CPED1: variants seen among roughly 807,000 people sequenced by gnomAD.
CPED1 encodes cadherin-like and PC-esterase domain-containing protein 1.
In CPED1, 114 loss-of-function variants were observed where a neutral mutation model predicts 128.2. That is an observed-to-expected ratio of 0.89 (90% CI 0.76 to 1.04). CPED1 has a LOEUF of 1.04. Ranked by LOEUF, CPED1 falls within the 50% of genes least tolerant of loss-of-function variation. The pLI, the probability that CPED1 is intolerant of heterozygous loss-of-function variation, is 0.00. For synonymous variants in CPED1, 462 were observed against 426.7 expected (o/e 1.08, Z -1.02); for missense variants, 1,211 against 1,207.1 (o/e 1.00, Z -0.05).
intron 16 of CPED1, among the ~76,000 whole-genome samples, chr7:121,203,063 A>G (rs13238393): frequency 0.095 from 14,510 of 152,098 alleles, 856 homozygotes; most frequent in South Asian, 0.17. Context: ...AATAAATATG[A>G]CACACCTGTC....
intron 16 of CPED1, among the ~76,000 whole-genome samples, chr7:121,196,386 C>A (rs890122707): frequency 2.0e-5 from 3 of 151,934 alleles, no homozygotes; most frequent in Middle Eastern, 3.2e-3. Flanking sequence ...AACTGTCAGG[C>A]AAATGCTTAA....
rs185366413 is a variant in CPED1, at chr7:121,295,258, G to T, written c.2869-182G>T. On this transcript the variant is annotated intron_variant, in intron 22 of 22. Coordinates refer to ENST00000310396, the MANE Select transcript of CPED1 (RefSeq NM_024913.5). ...ATGAGGTAAGAAAAGTGACAAAGTT[G>T]AATTTTAACCTTGGTCTTTTTCGAA... Among the ~76,000 whole-genome samples, 312 of 152,144 alleles carry T rather than the reference G, an allele frequency of 2.1e-3. 1 individual carries two copies. The highest frequency in any genetic ancestry group is 7.3e-3 in the African/African-American group (304 of 41,494).
intron 16 of CPED1, among the ~76,000 whole-genome samples, chr7:121,184,951 A>C (rs1182715607): frequency 6.6e-6 from 1 of 152,156 alleles, no homozygotes; most frequent in African/African-American, 2.4e-5. Context: ...TGGTTAAATG[A>C]AGAGTGAAGC....
At chr7:121,067,184 TAC>T (rs1793851715) in intron 5 of CPED1, among the ~76,000 whole-genome samples, 2 of 152,216 alleles carry the variant, frequency 1.3e-5, no homozygotes, top group East Asian at 3.9e-4. Flanking sequence ...TACATATGTA[TAC>T]ATGTGCCATG....
intron 4 of CPED1, among the ~76,000 whole-genome samples, chr7:121,053,716 C>T (rs570896756): frequency 1.3e-5 from 2 of 152,274 alleles, no homozygotes; most frequent in African/African-American, 2.4e-5. Flanking sequence ...TTCTATTTCT[C>T]TTATTACTTT....
intron 18 of CPED1, among the ~76,000 whole-genome samples, chr7:121,260,629 C>T (rs1412628579): frequency 7.3e-6 from 1 of 136,642 alleles, no homozygotes; most frequent in African/African-American, 2.8e-5. Context: ...TAAGACTCCT[C>T]CTTACCTCAC....
chr7:121,278,017 T>C (rs1369785908), intron 22 of CPED1, among the ~76,000 whole-genome samples: 1 of 152,090 alleles, frequency 6.6e-6, no homozygotes, highest in Non-Finnish European at 1.5e-5. Context: ...AATAATGTTT[T>C]TGGCATGAAG....
At chr7:121,154,910 T>G (rs2116413659) in intron 16 of CPED1, among the ~76,000 whole-genome samples, 1 of 152,390 alleles carries the variant, frequency 6.6e-6, no homozygotes, top group African/African-American at 2.4e-5. Context: ...TTCTTGATTC[T>G]GTTAATGTGT....
chr7:121,127,135 G>C lies in CPED1; in HGVS notation c.1180G>C (p.Glu394Gln), dbSNP rs1263909106. Reference protein sequence around the residue: ...NFQDYDNMDFEDQNTEEFLLN... With the variant: ...NFQDYDNMDFQDQNTEEFLLN... ...TCAAGATTATGATAATATGGATTTTGAGGACCAAAATACAGAAGAATTCCT... is the reference window on the plus strand; with the variant it reads ...TCAAGATTATGATAATATGGATTTTCAGGACCAAAATACAGAAGAATTCCT... Residue 394 changes from glutamate to glutamine, a missense_variant, in exon 10 of 23, where the codon GAG (glutamate) becomes CAG (glutamine). Physicochemically the swap from Glu to Gln is conservative, Grantham distance 29. Coordinates refer to ENST00000310396, the MANE Select transcript of CPED1 (RefSeq NM_024913.5). 1.9e-6 allele frequency: 3 copies of C among 1,602,898 alleles called. No individual in the cohort carries two copies. Among genetic ancestry groups the C allele is most frequent in the African/African-American group, 2.7e-5 (2 of 74,568 alleles).
intron 14 of CPED1, among the ~76,000 whole-genome samples, chr7:121,140,600 G>A (rs1233710764): frequency 6.6e-6 from 1 of 151,802 alleles, no homozygotes; most frequent in East Asian, 1.9e-4. Context: ...ATATAACGCC[G>A]ACTAAAGTCA....
At chr7:121,147,864 A>T (rs1210033439) in intron 16 of CPED1, among the ~76,000 whole-genome samples, 1 of 152,160 alleles carries the variant, frequency 6.6e-6, no homozygotes, top group Non-Finnish European at 1.5e-5. Flanking sequence ...ACTTATTTTT[A>T]AAAAATCAAT....
intron 16 of CPED1, among the ~76,000 whole-genome samples, chr7:121,196,915 C>T (rs1293854692): frequency 6.6e-6 from 1 of 151,802 alleles, no homozygotes; most frequent in East Asian, 1.9e-4. Flanking sequence ...TTAAAAAACA[C>T]CATTTGGTTG....
chr7:121,197,628 G>T (rs1176010823), intron 16 of CPED1, among the ~76,000 whole-genome samples: 1 of 152,034 alleles, frequency 6.6e-6, no homozygotes, highest in Non-Finnish European at 1.5e-5. Context: ...GTGTATATGG[G>T]TGTGTTGTGT....
At chr7:121,081,025 G>T (rs552735553) in intron 5 of CPED1, among the ~76,000 whole-genome samples, 1 of 152,154 alleles carries the variant, frequency 6.6e-6, no homozygotes, top group African/African-American at 2.4e-5. Context: ...TAGCTGAAAT[G>T]CACAGAACTC....
intron 2 of CPED1, among the ~76,000 whole-genome samples, chr7:121,010,402 C>T (rs185843743): frequency 1.9e-3 from 282 of 152,258 alleles, no homozygotes; most frequent in African/African-American, 6.6e-3. Context: ...AGGCACACCA[C>T]CATGCCCAGC....
At chr7:121,251,792 C>T (rs1798678678) in intron 18 of CPED1, among the ~76,000 whole-genome samples, 1 of 146,008 alleles carries the variant, frequency 6.8e-6, no homozygotes, top group Non-Finnish European at 1.5e-5. Flanking sequence ...AACTACAAAC[C>T]ACTGCTCAAG....
chr7:121,143,868 C>T (rs181105688), intron 16 of CPED1, among the ~76,000 whole-genome samples: 1 of 151,910 alleles, frequency 6.6e-6, no homozygotes. Context: ...ACAAAATCTT[C>T]GTATTGGTTT....
At chr7:121,217,095 C>T (rs1038527743) in intron 16 of CPED1, among the ~76,000 whole-genome samples, 1 of 151,698 alleles carries the variant, frequency 6.6e-6, no homozygotes, top group Non-Finnish European at 1.5e-5. Context: ...CTCCCTCTGC[C>T]ACCCAAGCTG....
intron 4 of CPED1, chr7:121,050,752 C>A (rs1264204039): frequency 2.2e-6 from 1 of 452,758 alleles, no homozygotes. Context: ...GTGTGAGCCA[C>A]CGTGCCCGGC....
Sources: allele counts gnomAD v4.1 joint callset (sites outside exome capture counted in the v4.1 genomes callset), GRCh38; gene constraint gnomAD v4.1.1; transcripts MANE v1.5; gene names NCBI Gene and HGNC (gene_info 2026-07-23, HGNC 2026-07-21).